The following PAX7 variants were observed in gnomAD, a reference collection of about 807,000 sequenced individuals.
The protein encoded by PAX7 is paired box 7.
A neutral mutation model predicts 50.7 loss-of-function variants in PAX7; 18 were observed. The observed-to-expected ratio is 0.36, with a 90% CI of 0.25 to 0.53. PAX7 has a LOEUF of 0.53. Among genes scored for constraint, PAX7 ranks in the 20% least tolerant of loss-of-function variants. PAX7 has a pLI of 0.93. For missense variants in PAX7, 644 were observed against 702.9 expected, an observed-to-expected ratio of 0.92 and a Z score of 0.95; for synonymous variants, 310 against 290.4, an observed-to-expected ratio of 1.07 and a Z score of -0.69.
At chr1:18,742,846 C>T (rs1315898483) in intron 8 of PAX7, among the ~76,000 whole-genome samples, 1 of 152,248 alleles carries the variant, frequency 6.6e-6, no homozygotes, top group Non-Finnish European at 1.5e-5. Context: ...CCCCTTCATG[C>T]TCTGTAACCA....
chr1:18,703,922 A>G (rs1362889010), intron 7 of PAX7, among the ~76,000 whole-genome samples: 2 of 152,210 alleles, frequency 1.3e-5, no homozygotes, highest in Admixed American at 6.5e-5. Flanking sequence ...TCTAAATCCC[A>G]GCTCTACTGC....
chr1:18,662,771 AC>A (rs1179079748), intron 4 of PAX7, among the ~76,000 whole-genome samples: 1 of 152,138 alleles, frequency 6.6e-6, no homozygotes, highest in Non-Finnish European at 1.5e-5. Flanking sequence ...ATGGGGTTTC[AC>A]CATGTTGGCC....
intron 4 of PAX7, among the ~76,000 whole-genome samples, chr1:18,679,444 G>T (rs1335429398): frequency 6.6e-6 from 1 of 152,200 alleles, no homozygotes. Flanking sequence ...TGGTCAGGCT[G>T]CCTTTTCCTT....
intron 4 of PAX7, among the ~76,000 whole-genome samples, chr1:18,676,984 A>C (rs1251039905): frequency 6.6e-6 from 1 of 152,194 alleles, no homozygotes; most frequent in Non-Finnish European, 1.5e-5. Context: ...TCAGGGTTTC[A>C]ACCCCAAGCC....
At position 18,747,656 on chromosome 1, in the gene PAX7, G is replaced by A; in HGVS notation, c.*2727G>A. On this transcript the variant is annotated 3_prime_UTR_variant, in exon 9 of 9. Coordinates refer to ENST00000420770, the MANE Select transcript of PAX7 (RefSeq NM_001135254.2). ...CAACCCCCATCCATCCCTGTAAATA[G>A]AGTCTGTAGCAAAATAAGAGCTGCT... 4.8e-6 allele frequency: 1 copy of A among 210,492 alleles called. No individual in the cohort carries two copies. The highest frequency in any genetic ancestry group is 9.7e-6 in the Non-Finnish European group (1 of 103,520). The allele number at this position is 210,492 out of a possible 1,614,324, so 13.0% of individuals were successfully genotyped here. A position where few individuals can be genotyped will look rare whatever the true frequency, so the allele number is the denominator to read the frequency against.
rs2089242434 is a variant in PAX7 at position 18,703,123 on chromosome 1, C to A, written c.982C>A (p.Pro328Thr). Reference sequence around the variant, plus strand: ...GGGCAGCACTGTGCACCGGCCTCAGCCCCTGCCACCGTCCACCATGCACCA... The same window carrying A: ...GGGCAGCACTGTGCACCGGCCTCAGACCCTGCCACCGTCCACCATGCACCA... Reference protein sequence around the residue: ...DGGSTVHRPQPLPPSTMHQGG... With the variant: ...DGGSTVHRPQTLPPSTMHQGG... Residue 328 changes from proline to threonine, a missense_variant, in exon 7 of 9, where the codon CCC (proline) becomes ACC (threonine). Pro to Thr is a conservative substitution (Grantham distance 38, BLOSUM62 -1). Transcript: ENST00000420770. The A allele has an allele frequency of 1.2e-6, 2 of 1,613,856 alleles. No homozygotes were observed. Among genetic ancestry groups the A allele is most frequent in the African/African-American group, 2.7e-5 (2 of 74,948 alleles).
At chr1:18,662,644 C>T (rs1227656877) in intron 4 of PAX7, among the ~76,000 whole-genome samples, 1 of 152,186 alleles carries the variant, frequency 6.6e-6, no homozygotes, top group South Asian at 2.1e-4. Flanking sequence ...AATCTAAGCT[C>T]GCTGCAGCCT....
intron 7 of PAX7, among the ~76,000 whole-genome samples, chr1:18,706,432 T>A (rs1268256712): frequency 6.6e-6 from 1 of 151,246 alleles, no homozygotes; most frequent in African/African-American, 2.4e-5. Context: ...TGGAAGGAAT[T>A]TTTTTCTTTT....
intron 5 of PAX7, among the ~76,000 whole-genome samples, chr1:18,693,317 C>G (rs183811531): frequency 6.6e-6 from 1 of 152,274 alleles, no homozygotes; most frequent in East Asian, 1.9e-4. Flanking sequence ...TCAAACGTGA[C>G]CTAGTGGAAG....
At chr1:18,633,629 A>AG (rs1007871335) in intron 1 of PAX7, among the ~76,000 whole-genome samples, 3 of 152,210 alleles carry the variant, frequency 2.0e-5, no homozygotes, top group Non-Finnish European at 4.4e-5. Flanking sequence ...AAGCAAGGAG[A>AG]GTCACCCAAG....
At chr1:18,713,479 G>A (rs988381265) in intron 7 of PAX7, among the ~76,000 whole-genome samples, 1 of 152,188 alleles carries the variant, frequency 6.6e-6, no homozygotes, top group African/African-American at 2.4e-5. Flanking sequence ...GGATTTTGAG[G>A]CAGCTGATCA....
In PAX7 at chr1:18,745,005, C is replaced by T; in HGVS notation, c.*76C>T. 1.2e-6 allele frequency: 1 copy of T among 829,244 alleles called. No homozygotes were observed. The highest frequency in any genetic ancestry group is 2.0e-6 in the Non-Finnish European group (1 of 503,770). The allele number at this position is 829,244 out of a possible 1,614,324, so 51.4% of individuals were successfully genotyped here. On this transcript the variant is annotated 3_prime_UTR_variant, in exon 9 of 9. Transcript: ENST00000420770. ...ACCCCTGAGCTTCCCAGCCTTGCCG[C>T]CTCACCCCCCTGTTGTCCTAGGAGG...
rs1031116612 is a variant in PAX7, at chr1:18,635,027, G to A, written c.322-84G>A. On this transcript the variant is annotated intron_variant, in intron 2 of 8. Coordinates refer to ENST00000420770, the MANE Select transcript of PAX7 (RefSeq NM_001135254.2). The stretch of plus-strand genomic sequence containing the variant: ...TAACCAGAACCACCAGCCTGGTCTG[G>A]GGCTCTTAAGAGGTGATATTAAAAG... 2.6e-6 allele frequency: 4 copies of A among 1,515,590 alleles called. No homozygotes were observed. The African/African-American group carries it at 4.1e-5, about 16-fold the overall frequency. The allele number at this position is 1,515,590 out of a possible 1,614,324, so 93.9% of individuals were successfully genotyped here.
At position 18,738,871 on chromosome 1, in the gene PAX7, G is replaced by A. The variant is rs370083382; in HGVS notation, c.1402+2993G>A. The stretch of plus-strand genomic sequence containing the variant: ...TGGAGGCCACGAATTAGACTTAGCC[G>A]TCTCAAAGTGTTTCCATTGCACCAC... On this transcript the variant is annotated intron_variant, in intron 8 of 8. Coordinates refer to ENST00000420770, the MANE Select transcript of PAX7 (RefSeq NM_001135254.2). Among the ~76,000 whole-genome samples the A allele has an allele frequency of 1.2e-3, 190 of 152,244 alleles. 3 individuals are homozygous for A. Among genetic ancestry groups the A allele is most frequent in the African/African-American group, 3.4e-3 (143 of 41,544 alleles).
chr1:18,719,392 C>T (rs1190435850), intron 7 of PAX7, among the ~76,000 whole-genome samples: 2 of 152,208 alleles, frequency 1.3e-5, no homozygotes, highest in Admixed American at 6.5e-5. Flanking sequence ...CATCCTGCTG[C>T]GTGAGGGCTG....
At chr1:18,653,672 G>C (rs139785075) in intron 4 of PAX7, among the ~76,000 whole-genome samples, 6 of 151,988 alleles carry the variant, frequency 3.9e-5, no homozygotes, top group African/African-American at 9.7e-5. Flanking sequence ...GCACAGGTCG[G>C]GGGGGTTGTC....
intron 4 of PAX7, among the ~76,000 whole-genome samples, chr1:18,643,505 C>T (rs997523623): frequency 6.6e-6 from 1 of 152,164 alleles, no homozygotes; most frequent in African/African-American, 2.4e-5. Flanking sequence ...CCGAGGGAGG[C>T]GCCGAGCAGC....
chr1:18,736,084 C>A, intron 8 of PAX7: 2 of 884,744 alleles, frequency 2.3e-6, no homozygotes, highest in South Asian at 1.6e-5. Flanking sequence ...CCTGGCTAAG[C>A]CTCTGCTTCC....
At chr1:18,637,450 T>C (rs1011717781) in intron 4 of PAX7, among the ~76,000 whole-genome samples, 4 of 152,122 alleles carry the variant, frequency 2.6e-5, no homozygotes, top group African/African-American at 9.7e-5. Flanking sequence ...GGAAAGACAG[T>C]GGCCATGGGA....
Sources: allele counts gnomAD v4.1 joint callset (sites outside exome capture counted in the v4.1 genomes callset), GRCh38; gene constraint gnomAD v4.1.1; transcripts MANE v1.5; gene names NCBI Gene and HGNC (gene_info 2026-07-23, HGNC 2026-07-21).